The following KIF24 variants were observed in gnomAD, a reference collection of about 807,000 sequenced individuals.
KIF24 encodes kinesin family member 24, also known as kinesin-like protein KIF24.
A neutral mutation model predicts 118.9 loss-of-function variants in KIF24; 81 were observed. That is an observed-to-expected ratio of 0.68 (90% CI 0.57 to 0.82). The LOEUF is 0.82. Ranked by LOEUF, KIF24 falls within the 40% of genes least tolerant of loss-of-function variation. KIF24 has a pLI of 0.00. For missense variants in KIF24, 1,560 were observed against 1,661.6 expected, an observed-to-expected ratio of 0.94 and a Z score of 1.06; for synonymous variants, 599 against 610.0, an observed-to-expected ratio of 0.98 and a Z score of 0.27.
intron 1 of KIF24, among the ~76,000 whole-genome samples, chr9:34,326,560 T>A (rs1029823695): frequency 6.6e-6 from 1 of 152,164 alleles, no homozygotes; most frequent in African/African-American, 2.4e-5. Flanking sequence ...AGGTGAAACC[T>A]GAAATAACAT....
intron 6 of KIF24, among the ~76,000 whole-genome samples, chr9:34,282,970 T>C (rs1563946348): frequency 7.1e-6 from 1 of 140,600 alleles, no homozygotes; most frequent in Non-Finnish European, 1.5e-5. Context: ...GAGAATCACA[T>C]GAACCTGGGA....
In KIF24 at chr9:34,311,007, C is replaced by G. The variant is rs759144011; in HGVS notation, c.340G>C (p.Asp114His). The G allele has an allele frequency of 1.9e-6, 3 of 1,613,872 alleles. No homozygotes were observed. The highest frequency in any genetic ancestry group is 2.5e-6 in the Non-Finnish European group (3 of 1,179,884). The change falls in exon 2 of 13, where the codon GAT (aspartate) becomes CAT (histidine). Residue 114 changes from aspartate to histidine, a missense_variant. Around this residue, in one of 3 missense-constraint regions of KIF24, gnomAD observed 964 missense variants for 988.0 expected, o/e 0.98. Coordinates refer to ENST00000402558, the MANE Select transcript of KIF24 (RefSeq NM_194313.4). ...GATAAACTGCACATTTCAAACCCAT[C>G]ATTGCTGGCATTTCTGTCTTTATTG... ...ADNKDRNASN[D>H]GFEMCSLSDF...
chr9:34,262,704 ATATATATATG>A (rs10551284), intron 9 of KIF24, among the ~76,000 whole-genome samples: 12,123 of 79,220 alleles, frequency 0.15, 1,659 homozygotes, highest in East Asian at 0.44. Context: ...ATATATATAT[ATATATATATG>A]GCCAGGCATG....
Position 34,257,859 on chromosome 9 carries a change from C to T in KIF24, c.1748G>A (p.Cys583Tyr), listed in dbSNP as rs201189519. ...SSPGALSEDK[C>Y]SPKKVKLGFQ... ...TCCCAGCTTGACTTTTTTGGGAGAA[C>T]ATTTGTCCTCTGACAAAGCCCCAGG... Residue 583 changes from cysteine (C) to tyrosine (Y), a missense_variant, in exon 11 of 13, where the codon TGT becomes TAT. Around this residue, in one of 3 missense-constraint regions of KIF24, gnomAD observed 964 missense variants for 988.0 expected, o/e 0.98. Coordinates refer to ENST00000402558, the MANE Select transcript of KIF24 (RefSeq NM_194313.4). 11 of 1,613,884 alleles carry T rather than the reference C, an allele frequency of 6.8e-6. No homozygotes were observed. The African/African-American group carries it at 1.2e-4, about 18-fold the overall frequency.
In KIF24 at chr9:34,254,401, A is replaced by G; in HGVS notation, c.4086T>C (p.Pro1362=). The stretch of plus-strand genomic sequence containing the variant: ...GGCTCTAAGACGGCACTGTTCCCTC[A>G]GGGGCTGCGGTGGGCCCGTGGCAGG... ...YLTCHGPTAA[P]EGTVPS The change falls in exon 13 of 13, where the codon CCT becomes CCC. Residue 1362 remains proline, a synonymous_variant. Transcript: ENST00000402558. 1.2e-6 allele frequency: 2 copies of G among 1,613,514 alleles called. No individual in the cohort carries two copies. The highest frequency in any genetic ancestry group is 1.7e-6 in the Non-Finnish European group (2 of 1,179,808).
chr9:34,265,230 A>G (rs992583982), intron 8 of KIF24, among the ~76,000 whole-genome samples: 1 of 152,164 alleles, frequency 6.6e-6, no homozygotes, highest in Non-Finnish European at 1.5e-5. Context: ...GTGCAGTAGC[A>G]CAATCACAGC....
rs761474179 is a variant in KIF24, at chr9:34,257,091, T to G, written c.2516A>C (p.Gln839Pro). The change falls in exon 11 of 13, where the codon CAG becomes CCG. Residue 839 changes from glutamine to proline, a missense_variant. By Grantham distance (76) the Gln-to-Pro change is moderately conservative. Around this residue, in one of 3 missense-constraint regions of KIF24, gnomAD observed 591 missense variants for 655.6 expected, o/e 0.90. Transcript: ENST00000402558. ...GGTGTTCCTTTGCTTTGTGGCCCTC[T>G]GACTAGAGATGTGTGAAAAAGAATC... ...SEDSFSHISS[Q>P]RATKQRNTLE... is the part of the protein sequence containing the mutation. The G allele has an allele frequency of 2.0e-5, 32 of 1,614,088 alleles. No individual in the cohort carries two copies. In the East Asian group the frequency reaches 4.0e-4, roughly 20 times the overall value.
At chr9:34,321,603 C>CTTTTT (rs1213493493) in intron 1 of KIF24, among the ~76,000 whole-genome samples, 4 of 99,206 alleles carry the variant, frequency 4.0e-5, no homozygotes, top group Non-Finnish European at 5.8e-5. Flanking sequence ...CATACTTCTT[C>CTTTTT]TTTTTTTTTT....
At position 34,254,539 on chromosome 9, in the gene KIF24, A is replaced by T. The variant is rs1382236266; in HGVS notation, c.3967-19T>A. 6.2e-7 allele frequency: 1 copy of T among 1,611,200 alleles called. No homozygotes were observed. The highest frequency in any genetic ancestry group is 2.2e-5 in the East Asian group (1 of 44,840). ...CAAAATCCTGAGAAGGAAACAAGGGACGAATACAGCTTTTGCTCTTGCTGG... is the reference window on the plus strand; with the variant it reads ...CAAAATCCTGAGAAGGAAACAAGGGTCGAATACAGCTTTTGCTCTTGCTGG... On this transcript the variant is annotated intron_variant, in intron 12 of 12. Transcript: ENST00000402558.
Position 34,257,928 on chromosome 9 carries a change from T to C in KIF24, c.1679A>G (p.Asn560Ser), listed in dbSNP as rs749686010. 3.1e-6 allele frequency: 5 copies of C among 1,613,922 alleles called. No homozygotes were observed. In the East Asian group the frequency reaches 1.1e-4, roughly 36 times the overall value. Residue 560 changes from asparagine to serine, a missense_variant, in exon 11 of 13, where the codon AAT becomes AGT. Coordinates refer to ENST00000402558, the MANE Select transcript of KIF24 (RefSeq NM_194313.4). The stretch of plus-strand genomic sequence containing the variant: ...TGGAGAGGAGTTTCCAGATGTCCGA[T>C]TTCGACTGGTAACTGAAGTGCAACA... ...IKCCTSVTSR[N>S]RTSGNSSPKR...
At chr9:34,270,510 C>T (rs1284976952) in intron 7 of KIF24, among the ~76,000 whole-genome samples, 15 of 142,086 alleles carry the variant, frequency 1.1e-4, no homozygotes, top group South Asian at 2.2e-4. Flanking sequence ...AGCGAGACTC[C>T]GTCTCAAAAA....
At chr9:34,261,661 T>G (rs1423148149) in intron 9 of KIF24, among the ~76,000 whole-genome samples, 1 of 152,238 alleles carries the variant, frequency 6.6e-6, no homozygotes, top group Non-Finnish European at 1.5e-5. Context: ...CTGCATCTTT[T>G]TAAACGTTTT....
At chr9:34,321,926 T>A (rs900779277) in intron 1 of KIF24, among the ~76,000 whole-genome samples, 1 of 152,044 alleles carries the variant, frequency 6.6e-6, no homozygotes, top group African/African-American at 2.4e-5. Context: ...TTTTGTAAGA[T>A]TTTTTTAAAA....
At chr9:34,285,366 G>T (rs917102292) in intron 6 of KIF24, among the ~76,000 whole-genome samples, 5 of 152,160 alleles carry the variant, frequency 3.3e-5, no homozygotes. Flanking sequence ...GGTGGCTCAC[G>T]CCTGTAATCC....
intron 6 of KIF24, among the ~76,000 whole-genome samples, chr9:34,272,456 T>C (rs906630505): frequency 5.9e-5 from 9 of 152,170 alleles, no homozygotes; most frequent in Non-Finnish European, 1.3e-4. Flanking sequence ...TCACTCACCC[T>C]AGACTGGGAG....
chr9:34,311,727 C>T (rs960436940), intron 1 of KIF24, among the ~76,000 whole-genome samples: 6 of 129,824 alleles, frequency 4.6e-5, no homozygotes, highest in East Asian at 3.6e-4. Flanking sequence ...TGTATATACA[C>T]GTATATATAT....
At chr9:34,283,863 G>T (rs1835943431) in intron 6 of KIF24, among the ~76,000 whole-genome samples, 1 of 152,122 alleles carries the variant, frequency 6.6e-6, no homozygotes, top group African/African-American at 2.4e-5. Flanking sequence ...ACTCCAGACT[G>T]GCAAAAATTC....
rs1237734853 is a variant in KIF24 at position 34,256,169 on chromosome 9, C to T, written c.3438G>A (p.Arg1146=). The T allele has an allele frequency of 6.2e-7, 1 of 1,603,712 alleles. No homozygotes were observed. The highest frequency in any genetic ancestry group is 1.7e-5 in the Admixed American group (1 of 59,472). ...RQHPADKLPS[R]EADLGEACQS... ...GGCAGGCCTCTCCTAGGTCTGCCTC[C>T]CTGCTGGGCAGCTTGTCAGCTGGGT... Residue 1146 remains arginine, a synonymous_variant, in exon 11 of 13, where the codon AGG becomes AGA. Transcript: ENST00000402558.
At chr9:34,287,903 C>A (rs1318430799) in intron 5 of KIF24, among the ~76,000 whole-genome samples, 1 of 143,874 alleles carries the variant, frequency 7.0e-6, no homozygotes, top group Non-Finnish European at 1.5e-5. Context: ...AAGAGCCCAT[C>A]TCTGTTTAAA....
Sources: gnomAD v4.1 joint callset for allele counts (sites outside exome capture counted in the v4.1 genomes callset) on GRCh38, gnomAD v4.1.1 for gene constraint, gnomAD v4.1.1 regional missense constraint, MANE v1.5 for transcripts, NCBI Gene and HGNC (gene_info 2026-07-23, HGNC 2026-07-21) for gene names.